The following ANK2 variants were observed in gnomAD, a reference collection of about 807,000 sequenced individuals.
The protein encoded by ANK2 is ankyrin 2.
ANK2 carries 83 observed loss-of-function variants against 360.5 expected under a neutral mutation model. The ratio of observed to expected loss-of-function variants is 0.23; its 90% confidence interval spans 0.19 to 0.28. ANK2 has a LOEUF of 0.28. Ranked by LOEUF, ANK2 falls within the 10% of genes least tolerant of loss-of-function variation. The pLI, the probability that ANK2 is intolerant of heterozygous loss-of-function variation, is 1.00. For missense variants in ANK2, 4,201 were observed against 4,795.7 expected, an observed-to-expected ratio of 0.88 and a Z score of 3.66; for synonymous variants, 1,740 against 1,759.5, an observed-to-expected ratio of 0.99 and a Z score of 0.28.
At chr4:112,848,507 T>C (rs781752822) in intron 1 of ANK2, among the ~76,000 whole-genome samples, 6 of 152,220 alleles carry the variant, frequency 3.9e-5, no homozygotes, top group Non-Finnish European at 8.8e-5. Flanking sequence ...ACCGAGGCCA[T>C]AGTAGAGCTT....
At chr4:113,214,522 T>C (rs2099064400) in intron 4 of ANK2, 1 of 588,600 alleles carries the variant, frequency 1.7e-6, no homozygotes, top group Admixed American at 2.8e-5. Flanking sequence ...ATTAATTTAT[T>C]AAGAGCCTGT....
chr4:112,730,012 G>A, the ANK2 span, among the ~76,000 whole-genome samples: 64 of 152,140 alleles, frequency 4.2e-4, no homozygotes, highest in Admixed American at 2.4e-3. Context: ...GAGAGGGCAA[G>A]GATTGGGAAG....
chr4:112,958,531 C>T (rs1022827738), intron 2 of ANK2, among the ~76,000 whole-genome samples: 2 of 152,212 alleles, frequency 1.3e-5, no homozygotes, highest in Admixed American at 6.5e-5. Context: ...TGCAGCGAGC[C>T]GAGATGGCAG....
At chr4:113,047,293 T>C (rs2064827196), upstream of ANK2, among the ~76,000 whole-genome samples, 2 of 152,130 alleles carry the variant, frequency 1.3e-5, no homozygotes, top group South Asian at 2.1e-4. Context: ...CTTATTCTAC[T>C]TTTTTTCCCC....
chr4:112,850,853 T>C (rs1172588040), intron 1 of ANK2, among the ~76,000 whole-genome samples: 3 of 152,218 alleles, frequency 2.0e-5, no homozygotes, highest in South Asian at 4.1e-4. Flanking sequence ...TGCACGAGAA[T>C]GCTTTAGTGA....
chr4:112,919,745 CAA>C (rs2090964382), intron 2 of ANK2, among the ~76,000 whole-genome samples: 1 of 152,050 alleles, frequency 6.6e-6, no homozygotes, highest in African/African-American at 2.4e-5. Context: ...GCAAATGTAG[CAA>C]AGTGTTGCCA....
intron 2 of ANK2, among the ~76,000 whole-genome samples, chr4:112,991,063 A>T (rs868144745): frequency 3.3e-5 from 5 of 152,104 alleles, no homozygotes; most frequent in African/African-American, 1.2e-4. Context: ...CATCCTGGCC[A>T]ACATGGTGAA....
At chr4:113,129,281 G>C (rs989101460) in intron 1 of ANK2, among the ~76,000 whole-genome samples, 1 of 152,114 alleles carries the variant, frequency 6.6e-6, no homozygotes, top group African/African-American at 2.4e-5. Context: ...CAGCAATCTA[G>C]CTTGTGTTTA....
At chr4:112,905,849 A>G (rs1238440311) in intron 2 of ANK2, among the ~76,000 whole-genome samples, 4 of 151,814 alleles carry the variant, frequency 2.6e-5, no homozygotes, top group African/African-American at 9.7e-5. Flanking sequence ...TTTTGTAGAG[A>G]TGGGTTCTGA....
chr4:113,004,644 T>C (rs1479996068), intron 2 of ANK2, among the ~76,000 whole-genome samples: 1 of 152,208 alleles, frequency 6.6e-6, no homozygotes, highest in East Asian at 1.9e-4. Flanking sequence ...TACTCTAAAA[T>C]AAGAATAAAA....
intron 2 of ANK2, among the ~76,000 whole-genome samples, chr4:112,918,610 C>G (rs937459960): frequency 1.3e-5 from 2 of 152,082 alleles, no homozygotes; most frequent in African/African-American, 2.4e-5. Flanking sequence ...GGGAATGATG[C>G]CACACTCTAA....
At chr4:112,963,802 T>A (rs1183699122) in intron 2 of ANK2, among the ~76,000 whole-genome samples, 1 of 151,968 alleles carries the variant, frequency 6.6e-6, no homozygotes, top group Non-Finnish European at 1.5e-5. Context: ...ATTCAAAACA[T>A]CTAACATTAT....
intron 1 of ANK2, among the ~76,000 whole-genome samples, chr4:113,095,575 T>C (rs554937388): frequency 6.6e-6 from 1 of 152,316 alleles, no homozygotes; most frequent in East Asian, 1.9e-4. Flanking sequence ...TCTATTATTC[T>C]ATTGTTATCC....
chr4:112,904,163 C>G (rs1192024969), intron 1 of ANK2, among the ~76,000 whole-genome samples: 1 of 152,172 alleles, frequency 6.6e-6, no homozygotes, highest in Non-Finnish European at 1.5e-5. Flanking sequence ...TCTTATGAAT[C>G]TACTTATGAT....
rs1243812666 is a variant in ANK2, at chr4:112,838,724, C to T, written c.-40+20460C>T. 2.6e-5 allele frequency among the ~76,000 whole-genome samples: 4 copies of T among 152,146 alleles called. No homozygotes were observed. The East Asian group carries it at 7.7e-4, about 29-fold the overall frequency. On this transcript the variant is annotated intron_variant, in intron 1 of 30. Transcript: ENST00000503271. ...CTCTAATAAAAATACAAAAAATTAG[C>T]CAGGCATGGTGGCGCATGCCTGTAA... is the stretch of plus-strand genomic sequence containing the variant.
chr4:113,156,803 A>G (rs930977395), intron 1 of ANK2, among the ~76,000 whole-genome samples: 13 of 150,468 alleles, frequency 8.6e-5, no homozygotes, highest in African/African-American at 2.9e-4. Context: ...TATATTATAT[A>G]TATAAAATGT....
At chr4:112,888,066 T>C (rs973620356) in intron 1 of ANK2, among the ~76,000 whole-genome samples, 1 of 152,170 alleles carries the variant, frequency 6.6e-6, no homozygotes, top group African/African-American at 2.4e-5. Flanking sequence ...ATTAATTATA[T>C]TTTAACAAAA....
intron 1 of ANK2, among the ~76,000 whole-genome samples, chr4:112,887,139 C>G (rs772921036): frequency 6.6e-6 from 1 of 152,138 alleles, no homozygotes; most frequent in African/African-American, 2.4e-5. Flanking sequence ...CATCTGCGTA[C>G]TTATTTTCTT....
At chr4:112,752,968 C>T in the ANK2 span, among the ~76,000 whole-genome samples, 1 of 152,120 alleles carries the variant, frequency 6.6e-6, no homozygotes, top group African/African-American at 2.4e-5. Context: ...GCTGGCCTCC[C>T]ACTCTTCTAA....
Sources: gnomAD v4.1 joint callset for allele counts (sites outside exome capture counted in the v4.1 genomes callset) on GRCh38, gnomAD v4.1.1 for gene constraint, MANE v1.5 for transcripts, NCBI Gene and HGNC (gene_info 2026-07-23, HGNC 2026-07-21) for gene names.